The following ZNF185 variants were observed in gnomAD, a reference collection of about 807,000 sequenced individuals.
The protein encoded by ZNF185 is zinc finger protein 185.
A neutral mutation model predicts 58.6 loss-of-function variants in ZNF185; 56 were observed. The ratio of observed to expected loss-of-function variants is 0.95; its 90% CI spans 0.77 to 1.19. ZNF185 has a LOEUF of 1.19. ZNF185 is among the 50% of genes most tolerant of loss of function. ZNF185 has a pLI of 0.00. For synonymous variants in ZNF185, 230 were observed against 215.9 expected (o/e 1.07, Z -0.57); for missense variants, 627 against 573.5 (o/e 1.09, Z -0.95).
the ZNF185 span, among the ~76,000 whole-genome samples, chrX:152,907,263 C>G: frequency 8.9e-6 from 1 of 112,468 alleles, no homozygotes; most frequent in Non-Finnish European, 1.9e-5. Flanking sequence ...CAGCCCCCTG[C>G]GTCAGCTCCC....
At chrX:152,922,926 G>C (rs1207509314) in intron 11 of ZNF185, 117 bp downstream of exon 12, 1 of 593,041 alleles carries the variant, frequency 1.7e-6, no homozygotes, top group African/African-American at 2.3e-5. Flanking sequence ...GGCAAGGACA[G>C]GCTGAGCACT....
chrX:152,922,796 A>G lies in ZNF185; in HGVS notation c.817A>G (p.Ser273Gly). ...GCCAAGTATGCCTAGCCCCGCTGGG[A>G]GCCAGGAGCTCAGGTGGGTGCCGAG... The change falls in exon 11 of 23, where the codon AGC (serine) becomes GGC (glycine). Residue 273 changes from serine to glycine, a missense_variant. By Grantham distance (56) the Ser-to-Gly change is moderately conservative (BLOSUM62 0). Coordinates refer to ENST00000449285, the Ensembl canonical transcript of ZNF185. 8.4e-7 allele frequency: 1 copy of G among 1,195,296 alleles called. No homozygotes were observed. Among genetic ancestry groups the G allele is most frequent in the South Asian group, 1.8e-5 (1 of 54,325 alleles).
intron 15 of ZNF185, 137 bp downstream of exon 17, chrX:152,938,300 G>A (rs782577099): frequency 1.4e-4 from 80 of 556,832 alleles, no homozygotes; most frequent in Non-Finnish European, 2.1e-4. Flanking sequence ...AAGGGCAGAA[G>A]CCCCAACCAG....
chrX:152,904,583 G>A, the ZNF185 span, among the ~76,000 whole-genome samples: 2 of 112,507 alleles, frequency 1.8e-5, no homozygotes, highest in African/African-American at 6.5e-5. Context: ...CACCCGCACC[G>A]GCTTAAATCA....
intron 11 of ZNF185, among the ~76,000 whole-genome samples, chrX:152,924,836 G>A (rs1415432699): frequency 9.0e-6 from 1 of 111,715 alleles, no homozygotes; most frequent in Non-Finnish European, 1.9e-5. Flanking sequence ...AGGTGCACGC[G>A]ACCACGCCCG....
intron 12 of ZNF185, among the ~76,000 whole-genome samples, chrX:152,931,450 G>C (rs1406857551): frequency 8.9e-6 from 1 of 112,096 alleles, no homozygotes; most frequent in Non-Finnish European, 1.9e-5. Flanking sequence ...TGTGGAGATG[G>C]AGTCTAGCTG....
intron 16 of ZNF185, among the ~76,000 whole-genome samples, chrX:152,950,688 C>T (rs1357067957): frequency 9.0e-6 from 1 of 111,361 alleles, no homozygotes; most frequent in Non-Finnish European, 1.9e-5. Context: ...TTGAGATTTT[C>T]CAGAAGGTCC....
At chrX:152,903,388 CAAAAAAAAAA>C in the ZNF185 span, among the ~76,000 whole-genome samples, 10 of 35,854 alleles carry the variant, frequency 2.8e-4, no homozygotes, top group Admixed American at 3.5e-3. Flanking sequence ...AGACTCGTCT[CAAAAAAAAAA>C]AAAAAAAAAA....
At chrX:152,949,923 C>G (rs1256406883) in intron 16 of ZNF185, among the ~76,000 whole-genome samples, 1 of 111,573 alleles carries the variant, frequency 9.0e-6, no homozygotes, top group Non-Finnish European at 1.9e-5. Context: ...ACGAGAGGAC[C>G]AGAGGACAGT....
At chrX:152,938,009 G>A (rs1216253118) in intron 14 of ZNF185, 65 bp from the exon 17 acceptor site, 1 of 1,060,773 alleles carries the variant, frequency 9.4e-7, no homozygotes, top group Admixed American at 2.7e-5. Context: ...AGCCTGGAGG[G>A]GGAAGACCTG....
chrX:152,908,961 G>A, the ZNF185 span, among the ~76,000 whole-genome samples: 1 of 113,404 alleles, frequency 8.8e-6, no homozygotes, highest in African/African-American at 3.2e-5. Flanking sequence ...AGGGAAGCCA[G>A]TGTTGTTATT....
intron 20 of ZNF185, among the ~76,000 whole-genome samples, chrX:152,967,567 C>G (rs1006406902): frequency 2.1e-4 from 23 of 111,716 alleles, no homozygotes; most frequent in African/African-American, 7.2e-4. Flanking sequence ...CATTAACTTG[C>G]AAATCTAACC....
intron 13 of ZNF185, among the ~76,000 whole-genome samples, chrX:152,932,454 G>T (rs1213890192): frequency 8.9e-6 from 1 of 112,119 alleles, no homozygotes; most frequent in Non-Finnish European, 1.9e-5. Flanking sequence ...TTTCTTCAGT[G>T]AGAACCTGGT....
chrX:152,954,639 C>G (rs1192005935), intron 16 of ZNF185, among the ~76,000 whole-genome samples: 1 of 112,075 alleles, frequency 8.9e-6, no homozygotes, highest in African/African-American at 3.2e-5. Context: ...CCAAATAAAA[C>G]AAATTAACTA....
At chrX:152,967,470 C>T (rs2050230796) in intron 20 of ZNF185, among the ~76,000 whole-genome samples, 1 of 112,400 alleles carries the variant, frequency 8.9e-6, no homozygotes, top group Non-Finnish European at 1.9e-5. Flanking sequence ...CCAGCGGTGA[C>T]TGAGAAGGGA....
At chrX:152,927,521 C>A (rs1941093267) in intron 11 of ZNF185, among the ~76,000 whole-genome samples, 1 of 111,657 alleles carries the variant, frequency 9.0e-6, no homozygotes, top group East Asian at 2.8e-4. Flanking sequence ...CCTATAAACC[C>A]CCCACCTCCA....
intron 16 of ZNF185, among the ~76,000 whole-genome samples, chrX:152,956,467 G>A (rs143380867): frequency 0.017 from 1,913 of 111,504 alleles, 34 homozygotes; most frequent in African/African-American, 0.059. Flanking sequence ...GGCCAAGCGC[G>A]GTGGCTTACA....
At chrX:152,914,433 C>A, upstream of ZNF185, 2 of 1,086,149 alleles carry the variant, frequency 1.8e-6, no homozygotes, top group South Asian at 4.2e-5. Context: ...ATTTGCTTAC[C>A]TTTATCCCCA....
chrX:152,927,048 G>A (rs1291000332), intron 11 of ZNF185, among the ~76,000 whole-genome samples: 1 of 112,197 alleles, frequency 8.9e-6, no homozygotes. Context: ...TCAGTCACTG[G>A]AGCAGGCTGG....
Sources: allele counts gnomAD v4.1 joint callset (sites outside exome capture counted in the v4.1 genomes callset), GRCh38; gene constraint gnomAD v4.1.1; transcripts MANE v1.5; gene names NCBI Gene and HGNC (gene_info 2026-07-23, HGNC 2026-07-21).